The following ITSN1 variants were observed in gnomAD, a reference collection of about 807,000 sequenced individuals.
The protein encoded by ITSN1 is intersectin 1, also known as intersectin-1.
ITSN1 carries 58 observed loss-of-function variants against 239.8 expected under a neutral mutation model. That is an observed-to-expected ratio of 0.24 (90% CI 0.20 to 0.30). ITSN1 has a LOEUF of 0.30. Among genes scored for constraint, ITSN1 ranks in the 10% least tolerant of loss-of-function variants. The pLI, the probability that ITSN1 is intolerant of heterozygous loss-of-function variation, is 1.00. For synonymous variants in ITSN1, 780 were observed against 770.8 expected (o/e 1.01, Z -0.20); for missense variants, 1,558 against 2,103.3 (o/e 0.74, Z 5.07).
At chr21:33,783,284 C>T (rs1212779014) in intron 16 of ITSN1, among the ~76,000 whole-genome samples, 1 of 152,066 alleles carries the variant, frequency 6.6e-6, no homozygotes, top group Non-Finnish European at 1.5e-5. Context: ...TAAAAATTAG[C>T]ATATTTGAAA....
At chr21:33,729,241 A>G (rs180740591) in intron 4 of ITSN1, among the ~76,000 whole-genome samples, 365 of 152,276 alleles carry the variant, frequency 2.4e-3, no homozygotes, top group Non-Finnish European at 3.4e-3. Context: ...ACTTGAGCCC[A>G]GGAGTTTGAG....
intron 1 of ITSN1, among the ~76,000 whole-genome samples, chr21:33,659,704 ACT>A (rs1491193579): frequency 1.6e-5 from 1 of 63,984 alleles, no homozygotes; most frequent in African/African-American, 5.9e-5. Context: ...AGCAGCCTGT[ACT>A]TTTTTTTTTT....
chr21:33,796,044 A>G (rs1011239159), intron 17 of ITSN1, among the ~76,000 whole-genome samples: 1 of 151,432 alleles, frequency 6.6e-6, no homozygotes, highest in Non-Finnish European at 1.5e-5. Context: ...GCTCACTGCA[A>G]CCTCCGCCTC....
At chr21:33,840,425 G>A (rs59380483) in intron 29 of ITSN1, among the ~76,000 whole-genome samples, 8,162 of 151,634 alleles carry the variant, frequency 0.054, 604 homozygotes, top group African/African-American at 0.17. Context: ...GTGCAGTGTC[G>A]TGATCTCGGC....
chr21:33,739,265 T>C (rs2066695899), intron 5 of ITSN1, among the ~76,000 whole-genome samples: 1 of 152,206 alleles, frequency 6.6e-6, no homozygotes, highest in Non-Finnish European at 1.5e-5. Flanking sequence ...TGTAGGAAAT[T>C]CTATGGGTAG....
In ITSN1 at chr21:33,801,567, A is replaced by T. The variant is rs543986876; in HGVS notation, c.2305-863A>T. ...AGTTTCCACCTCCCAGGCTCAAGTG[A>T]TCCTCCTGCCTCAGCCTCCTGAGTA... On this transcript the variant is annotated intron_variant, in intron 19 of 39. Coordinates refer to ENST00000381318, the MANE Select transcript of ITSN1 (RefSeq NM_003024.3). 4.6e-5 allele frequency among the ~76,000 whole-genome samples: 7 copies of T among 152,166 alleles called. No homozygotes were observed. The East Asian group carries it at 9.7e-4, about 21-fold the overall frequency.
chr21:33,823,020 A>G (rs1386115830), intron 24 of ITSN1, among the ~76,000 whole-genome samples: 1 of 152,198 alleles, frequency 6.6e-6, no homozygotes, highest in Admixed American at 6.5e-5. Flanking sequence ...TTTTTTAAAA[A>G]CCTGTGACGT....
intron 1 of ITSN1, among the ~76,000 whole-genome samples, chr21:33,692,516 T>C (rs2091593538): frequency 6.6e-6 from 1 of 152,214 alleles, no homozygotes; most frequent in Non-Finnish European, 1.5e-5. Context: ...ATACTCAGGT[T>C]ACAACACTGG....
intron 1 of ITSN1, among the ~76,000 whole-genome samples, chr21:33,703,598 G>T (rs951444167): frequency 5.9e-5 from 9 of 152,188 alleles, no homozygotes; most frequent in Non-Finnish European, 1.0e-4. Flanking sequence ...CATGCATTTT[G>T]TGTAAAGTGT....
intron 5 of ITSN1, among the ~76,000 whole-genome samples, chr21:33,741,894 CAA>C (rs57036929): frequency 0.2 from 14,728 of 73,308 alleles, 697 homozygotes; most frequent in African/African-American, 0.36. Flanking sequence ...GATTCCGTCT[CAA>C]AAAAAAAAAA....
chr21:33,747,987 T>G (rs1348090151), intron 5 of ITSN1, among the ~76,000 whole-genome samples: 1 of 152,174 alleles, frequency 6.6e-6, no homozygotes, highest in African/African-American at 2.4e-5. Flanking sequence ...GATATAAGAT[T>G]GTATAAAGTA....
intron 30 of ITSN1, 133 bp downstream of exon 30, chr21:33,856,990 G>T: frequency 4.9e-6 from 4 of 816,304 alleles, no homozygotes; most frequent in Non-Finnish European, 7.8e-6. Context: ...CATCTGGATG[G>T]CAAATGCTAT....
At position 33,673,039 on chromosome 21, in the gene ITSN1, CA is replaced by C. The variant is rs759736357; in HGVS notation, c.-33+30334del. On this transcript the variant is annotated intron_variant, in intron 1 of 39. Transcript: ENST00000381318. ...GATTTAATAAGTGTCTGTTGCCAGACAAAAAAAATAAATTGGGGCATATACA... is the reference window on the plus strand; with the variant it reads ...GATTTAATAAGTGTCTGTTGCCAGACAAAAAAATAAATTGGGGCATATACA... Among the ~76,000 whole-genome samples the C allele has an allele frequency of 2.7e-5, 4 of 150,890 alleles. No individual in the cohort carries two copies. The East Asian group carries it at 5.8e-4, about 22-fold the overall frequency.
chr21:33,804,484 A>G (rs918273965), intron 20 of ITSN1, among the ~76,000 whole-genome samples: 6 of 152,216 alleles, frequency 3.9e-5, no homozygotes, highest in African/African-American at 1.4e-4. Context: ...AACATTCACT[A>G]ACTCTGCTAG....
At chr21:33,829,404 C>T (rs1391449754) in intron 26 of ITSN1, 2 of 560,514 alleles carry the variant, frequency 3.6e-6, no homozygotes, top group African/African-American at 3.7e-5. Context: ...GTCTGCAGCC[C>T]ACTGAGGGCT....
At chr21:33,880,724 T>C (rs1251806778) in intron 34 of ITSN1, among the ~76,000 whole-genome samples, 1 of 152,050 alleles carries the variant, frequency 6.6e-6, no homozygotes, top group Non-Finnish European at 1.5e-5. Flanking sequence ...GAGGGGTCCA[T>C]AGGGCTCGTA....
intron 33 of ITSN1, among the ~76,000 whole-genome samples, chr21:33,868,917 T>C (rs1201693472): frequency 6.6e-6 from 1 of 152,226 alleles, no homozygotes; most frequent in Non-Finnish European, 1.5e-5. Flanking sequence ...ACCAAGTGGC[T>C]TCTACCTTGT....
intron 1 of ITSN1, among the ~76,000 whole-genome samples, chr21:33,666,051 C>T (rs1488823259): frequency 6.6e-6 from 1 of 152,000 alleles, no homozygotes; most frequent in Non-Finnish European, 1.5e-5. Flanking sequence ...GCCTGAGCCT[C>T]CTGAGTAGCT....
intron 19 of ITSN1, among the ~76,000 whole-genome samples, chr21:33,800,275 C>T (rs921684940): frequency 5.3e-5 from 8 of 151,216 alleles, no homozygotes; most frequent in African/African-American, 1.9e-4. Context: ...GATGTATAGA[C>T]AATATATATA....
Sources: allele counts gnomAD v4.1 joint callset (sites outside exome capture counted in the v4.1 genomes callset), GRCh38; gene constraint gnomAD v4.1.1; transcripts MANE v1.5; gene names NCBI Gene and HGNC (gene_info 2026-07-23, HGNC 2026-07-21).